The following UTP18 variants were observed in gnomAD, a reference collection of about 807,000 sequenced individuals.
UTP18 encodes U3 small nucleolar RNA-associated protein 18 homolog.
In UTP18, 36 loss-of-function variants were observed where a neutral mutation model predicts 61.1. The observed-to-expected ratio is 0.59, with a 90% confidence interval of 0.45 to 0.78. The LOEUF is 0.78. Among genes scored for constraint, UTP18 ranks in the 30% least tolerant of loss-of-function variants. The pLI is 0.00. For synonymous variants in UTP18, 282 were observed against 251.1 expected, an observed-to-expected ratio of 1.12 and a Z score of -1.16; for missense variants, 753 against 693.9, an observed-to-expected ratio of 1.09 and a Z score of -0.96.
intron 12 of UTP18, among the ~76,000 whole-genome samples, chr17:51,295,716 G>GT (rs1303379704): frequency 1.3e-5 from 2 of 152,134 alleles, no homozygotes; most frequent in Non-Finnish European, 2.9e-5. Context: ...CTTTAAAGTA[G>GT]TTTTTTCCAA....
At chr17:51,264,598 T>G (rs956761149) in intron 2 of UTP18, among the ~76,000 whole-genome samples, 1 of 108,298 alleles carries the variant, frequency 9.2e-6, no homozygotes, top group African/African-American at 3.2e-5. Flanking sequence ...GGTTTATTTG[T>G]TTTTTTTTTC....
intron 6 of UTP18, among the ~76,000 whole-genome samples, chr17:51,276,364 A>C (rs1402768296): frequency 1.3e-5 from 2 of 152,164 alleles, no homozygotes; most frequent in Non-Finnish European, 2.9e-5. Context: ...TTGGAGTAAA[A>C]TTTTTCTTCC....
intron 2 of UTP18, among the ~76,000 whole-genome samples, chr17:51,264,934 C>A (rs572407074): frequency 2.6e-5 from 4 of 152,100 alleles, no homozygotes; most frequent in Admixed American, 6.5e-5. Context: ...CTGTTTGCCT[C>A]GGCCTCCTAA....
chr17:51,295,044 G>A (rs1296274119), intron 12 of UTP18, among the ~76,000 whole-genome samples: 1 of 151,890 alleles, frequency 6.6e-6, no homozygotes, highest in East Asian at 1.9e-4. Context: ...ACTTTTTGAT[G>A]GGGTTGTTTT....
intron 4 of UTP18, among the ~76,000 whole-genome samples, chr17:51,271,088 A>G (rs957959383): frequency 6.6e-6 from 1 of 152,294 alleles, no homozygotes; most frequent in African/African-American, 2.4e-5. Flanking sequence ...CAATTCATTA[A>G]TATTATGAAT....
Position 51,280,100 on chromosome 17 carries a change from A to G in UTP18, c.1108A>G (p.Met370Val), listed in dbSNP as rs528627629. ...GIAGYLHLLA[M>V]KTKELIGSMK... ...TGCTGGATATTTGCATTTGCTAGCA[A>G]TGAAGGTAAAGCATTATTATTGCTT... Residue 370 changes from methionine (M) to valine (V), a missense_variant, in exon 8 of 14, where the codon ATG becomes GTG. Coordinates refer to ENST00000225298, the MANE Select transcript of UTP18 (RefSeq NM_016001.3). 4.3e-6 allele frequency: 7 copies of G among 1,613,060 alleles called. No homozygotes were observed. The highest frequency in any genetic ancestry group is 3.3e-5 in the South Asian group (3 of 90,830).
intron 7 of UTP18, among the ~76,000 whole-genome samples, chr17:51,278,067 G>T (rs1230112886): frequency 1.3e-5 from 2 of 152,220 alleles, no homozygotes; most frequent in African/African-American, 4.8e-5. Context: ...GTGGTTGAAA[G>T]TGGATGGGGC....
chr17:51,292,640 T>C lies in UTP18; in HGVS notation c.1504-1263T>C, dbSNP rs147613848. ...GATAACGGTTGTATATATTTGAACATGAAGGTGCTATATCTCTTGGGAGAG... is the reference window on the plus strand; with the variant it reads ...GATAACGGTTGTATATATTTGAACACGAAGGTGCTATATCTCTTGGGAGAG... On this transcript the variant is annotated intron_variant, in intron 11 of 13. Coordinates refer to ENST00000225298, the MANE Select transcript of UTP18 (RefSeq NM_016001.3). Among the ~76,000 whole-genome samples the C allele has an allele frequency of 2.4e-4, 36 of 152,354 alleles. No homozygotes were observed. In the East Asian group the frequency reaches 6.4e-3, roughly 27 times the overall value.
At chr17:51,277,080 T>G in intron 6 of UTP18, 50 bp from the exon 7 acceptor site, 1 of 1,576,278 alleles carries the variant, frequency 6.3e-7, no homozygotes, top group Non-Finnish European at 8.7e-7. Context: ...ACTACCAGGA[T>G]ACAGGGTCTG....
intron 9 of UTP18, among the ~76,000 whole-genome samples, chr17:51,281,639 A>G (rs533749443): frequency 6.6e-6 from 1 of 152,112 alleles, no homozygotes; most frequent in Non-Finnish European, 1.5e-5. Flanking sequence ...CCTTGTGGTG[A>G]TGGGAAGTTT....
At chr17:51,291,884 A>G (rs1051927790) in intron 11 of UTP18, among the ~76,000 whole-genome samples, 5 of 152,228 alleles carry the variant, frequency 3.3e-5, no homozygotes, top group Admixed American at 3.3e-4. Flanking sequence ...CCTGAGGCCT[A>G]GTTTCATAGT....
At chr17:51,265,363 A>C (rs965088588) in intron 2 of UTP18, among the ~76,000 whole-genome samples, 1 of 151,278 alleles carries the variant, frequency 6.6e-6, no homozygotes, top group Non-Finnish European at 1.5e-5. Context: ...TCCCAGGTTC[A>C]AGTGATTCAC....
At chr17:51,286,451 C>G (rs2144435940) in intron 10 of UTP18, 1 of 456,032 alleles carries the variant, frequency 2.2e-6, no homozygotes, top group South Asian at 1.5e-5. Context: ...ACTTAGCATA[C>G]TCTCTACTCT....
At chr17:51,286,704 G>C (rs1490357048) in intron 10 of UTP18, among the ~76,000 whole-genome samples, 1 of 152,162 alleles carries the variant, frequency 6.6e-6, no homozygotes, top group South Asian at 2.1e-4. Context: ...GGACATCTCA[G>C]CACAAGCCAA....
intron 11 of UTP18, among the ~76,000 whole-genome samples, chr17:51,289,668 A>G (rs1333687531): frequency 6.6e-6 from 1 of 152,204 alleles, no homozygotes; most frequent in African/African-American, 2.4e-5. Context: ...GGCACCAGGT[A>G]TACAGAAGGC....
chr17:51,281,632 TGTG>T (rs1904929129), intron 9 of UTP18, among the ~76,000 whole-genome samples: 1 of 152,048 alleles, frequency 6.6e-6, no homozygotes, highest in Non-Finnish European at 1.5e-5. Context: ...GAGGGGTCCT[TGTG>T]GTGATGGGAA....
In UTP18 at chr17:51,275,591, C is replaced by G. The variant is rs184708681; in HGVS notation, c.712-275C>G. Among the ~76,000 whole-genome samples the G allele has an allele frequency of 4.5e-4, 69 of 152,280 alleles. 1 individual carries two copies. The highest frequency in any genetic ancestry group is 1.7e-3 in the African/African-American group (69 of 41,544). On this transcript the variant is annotated intron_variant, in intron 5 of 13. Coordinates refer to ENST00000225298, the MANE Select transcript of UTP18 (RefSeq NM_016001.3). ...ACTAGTGCTCCAAGAATGAGTAATA[C>G]ATTCAGACTTCTAGATATGGAAAGC...
At chr17:51,280,958 G>A (rs1049331654) in intron 9 of UTP18, among the ~76,000 whole-genome samples, 1 of 151,072 alleles carries the variant, frequency 6.6e-6, no homozygotes, top group East Asian at 2.0e-4. Flanking sequence ...CGAGTGGATC[G>A]TTTGAGGTCA....
At chr17:51,286,684 C>A in intron 10 of UTP18, 1 of 397,878 alleles carries the variant, frequency 2.5e-6, no homozygotes, top group Non-Finnish European at 5.0e-6. Context: ...CGTGCCAACC[C>A]TGTAGCGAGG....
Sources: gnomAD v4.1 joint callset for allele counts (sites outside exome capture counted in the v4.1 genomes callset) on GRCh38, gnomAD v4.1.1 for gene constraint, MANE v1.5 for transcripts, NCBI Gene and HGNC (gene_info 2026-07-23, HGNC 2026-07-21) for gene names.